RANBP2: variants seen among roughly 807,000 people sequenced by gnomAD.
RANBP2 encodes RAN binding protein 2.
A neutral mutation model predicts 303.6 loss-of-function variants in RANBP2; 57 were observed. That is an observed-to-expected ratio of 0.19 (90% CI 0.15 to 0.23). The LOEUF (loss-of-function observed/expected upper bound fraction) is 0.23. Ranked by LOEUF, RANBP2 falls within the 10% of genes least tolerant of loss-of-function variation. The probability of loss-of-function intolerance (pLI) is 1.00; values close to 1 mark genes in which losing one functional copy is unlikely to be tolerated. For synonymous variants in RANBP2, 1,167 were observed against 1,301.5 expected, an observed-to-expected ratio of 0.90 and a Z score of 2.23; for missense variants, 3,138 against 3,780.8, an observed-to-expected ratio of 0.83 and a Z score of 4.46.
the RANBP2 span, among the ~76,000 whole-genome samples, chr2:109,331,756 A>G: frequency 7.5e-3 from 1,142 of 152,304 alleles, 20 homozygotes; most frequent in African/African-American, 0.027. Context: ...TAGGTGGCCA[A>G]TAAGTACTTG....
chr2:109,379,344 G>A, the RANBP2 span, among the ~76,000 whole-genome samples: 599 of 152,322 alleles, frequency 3.9e-3, 3 homozygotes, highest in African/African-American at 0.014. Flanking sequence ...ACTGGAAAAC[G>A]CCTTTAAAGT....
chr2:109,407,407 T>C, the RANBP2 span, among the ~76,000 whole-genome samples: 1 of 152,238 alleles, frequency 6.6e-6, no homozygotes, highest in African/African-American at 2.4e-5. Flanking sequence ...TTAAAATGCA[T>C]CACCACCTGC....
the RANBP2 span, among the ~76,000 whole-genome samples, chr2:109,687,740 G>A: frequency 1.4e-5 from 2 of 139,296 alleles, no homozygotes; most frequent in Admixed American, 7.3e-5. Context: ...CAGGTCAGGG[G>A]ATTTTTTTTT....
chr2:109,030,893 T>C, the RANBP2 span, among the ~76,000 whole-genome samples: 595 of 152,282 alleles, frequency 3.9e-3, no homozygotes, highest in Non-Finnish European at 6.6e-3. Flanking sequence ...TTGGCAGTTT[T>C]TTAACATCTC....
At chr2:109,077,874 G>A in the RANBP2 span, among the ~76,000 whole-genome samples, 18 of 148,612 alleles carry the variant, frequency 1.2e-4, 1 homozygote, top group East Asian at 3.9e-4. Context: ...GCAAATTGGC[G>A]TACCTATTAT....
At chr2:109,238,193 T>TGG in the RANBP2 span, among the ~76,000 whole-genome samples, 420 of 152,250 alleles carry the variant, frequency 2.8e-3, 4 homozygotes, top group African/African-American at 9.7e-3. Flanking sequence ...GAGTGAAGCC[T>TGG]GTCTCTTAAA....
the RANBP2 span, among the ~76,000 whole-genome samples, chr2:109,521,593 C>T: frequency 6.6e-6 from 1 of 152,240 alleles, no homozygotes; most frequent in Non-Finnish European, 1.5e-5. Context: ...ACTCTTTTCA[C>T]TGAAGTCTAT....
intron 4 of RANBP2, among the ~76,000 whole-genome samples, chr2:108,734,543 T>C (rs1044106052): frequency 6.6e-6 from 1 of 151,854 alleles, no homozygotes. Context: ...AAACAGTAAT[T>C]ATGGATATAA....
chr2:109,307,773 A>T, the RANBP2 span, among the ~76,000 whole-genome samples: 1 of 148,574 alleles, frequency 6.7e-6, no homozygotes, highest in African/African-American at 2.5e-5. Flanking sequence ...TTATGGCTGC[A>T]TAGTACTCCA....
At chr2:109,279,184 G>A in the RANBP2 span, among the ~76,000 whole-genome samples, 620 of 152,306 alleles carry the variant, frequency 4.1e-3, 1 homozygote, top group African/African-American at 0.014. Context: ...CCATGCATAC[G>A]TTTTGGGAAG....
At chr2:109,761,002 C>T in the RANBP2 span, among the ~76,000 whole-genome samples, 1 of 135,750 alleles carries the variant, frequency 7.4e-6, no homozygotes, top group South Asian at 2.5e-4. Flanking sequence ...GCGGCCCGCC[C>T]CAGCCCAGGG....
At chr2:109,241,257 T>TAACAACAAC in the RANBP2 span, among the ~76,000 whole-genome samples, 6,206 of 151,268 alleles carry the variant, frequency 0.041, 417 homozygotes, top group African/African-American at 0.14. Flanking sequence ...CCTAAGAATA[T>TAACAACAAC]AACAACAACA....
chr2:108,734,814 G>A (rs1695441140), intron 4 of RANBP2, among the ~76,000 whole-genome samples: 2 of 151,990 alleles, frequency 1.3e-5, no homozygotes, highest in South Asian at 4.1e-4. Flanking sequence ...TTCGAGTGGA[G>A]GATAACATCA....
chr2:109,188,795 C>G, the RANBP2 span, among the ~76,000 whole-genome samples: 1 of 152,172 alleles, frequency 6.6e-6, no homozygotes, highest in Admixed American at 6.5e-5. Flanking sequence ...TATTTATTGA[C>G]ATCCATGAAC....
the RANBP2 span, among the ~76,000 whole-genome samples, chr2:109,450,881 T>TA: frequency 6.6e-6 from 1 of 152,188 alleles, no homozygotes; most frequent in Non-Finnish European, 1.5e-5. Flanking sequence ...TCTTTCCATA[T>TA]AAAATTAGTC....
At chr2:109,453,814 C>A in the RANBP2 span, among the ~76,000 whole-genome samples, 1 of 152,192 alleles carries the variant, frequency 6.6e-6, no homozygotes, top group Non-Finnish European at 1.5e-5. Flanking sequence ...CCGACAAAGG[C>A]GCCTGGTCAG....
intron 8 of RANBP2, among the ~76,000 whole-genome samples, 172 bp from the exon 9 acceptor site, chr2:108,748,748 T>C (rs1287255593): frequency 6.6e-6 from 1 of 152,244 alleles, no homozygotes; most frequent in East Asian, 1.9e-4. Context: ...ACCTGTACTC[T>C]TCTCATTTGC....
At chr2:108,979,444 C>CTCTG in the RANBP2 span, among the ~76,000 whole-genome samples, 2 of 71,144 alleles carry the variant, frequency 2.8e-5, no homozygotes, top group Middle Eastern at 0.012. Flanking sequence ...CTTTCTCTCT[C>CTCTG]TCTGTCTCTG....
the RANBP2 span, among the ~76,000 whole-genome samples, chr2:109,457,000 G>C: frequency 2.2e-4 from 34 of 152,202 alleles, no homozygotes; most frequent in Admixed American, 2.2e-3. Flanking sequence ...TCAGCATGGA[G>C]GGTGGACCTG....
Sources: gnomAD v4.1 joint callset for allele counts (sites outside exome capture counted in the v4.1 genomes callset) on GRCh38, gnomAD v4.1.1 for gene constraint, MANE v1.5 for transcripts, NCBI Gene and HGNC (gene_info 2026-07-23, HGNC 2026-07-21) for gene names.